MND1: variants seen among roughly 807,000 people sequenced by gnomAD.
The protein encoded by MND1 is meiotic nuclear division protein 1 homolog.
Under a neutral mutation model 35.1 loss-of-function variants are expected in MND1, and 28 were observed. The observed-to-expected ratio is 0.80, with a 90% CI of 0.59 to 1.09. MND1 has a LOEUF of 1.09. Among genes scored for constraint, MND1 ranks in the 50% least tolerant of loss-of-function variants. The pLI, the probability that MND1 is intolerant of heterozygous loss-of-function variation, is 0.00. For missense variants in MND1, 213 were observed against 239.6 expected, an observed-to-expected ratio of 0.89 and a Z score of 0.73; for synonymous variants, 69 against 70.5, an observed-to-expected ratio of 0.98 and a Z score of 0.11.
chr4:153,394,386 G>A (rs772540505), intron 5 of MND1, 50 bp downstream of exon 5: 14 of 1,459,882 alleles, frequency 9.6e-6, no homozygotes, highest in Non-Finnish European at 1.2e-5. Context: ...CTAAATATTA[G>A]AGTAAGCGAC....
At chr4:153,358,147 T>G (rs991707422) in intron 3 of MND1, among the ~76,000 whole-genome samples, 1 of 152,198 alleles carries the variant, frequency 6.6e-6, no homozygotes, top group African/African-American at 2.4e-5. Context: ...TTTTTTAAAT[T>G]AGGCATAAAG....
chr4:153,364,862 C>G (rs997864319), intron 4 of MND1, among the ~76,000 whole-genome samples: 1 of 152,116 alleles, frequency 6.6e-6, no homozygotes, highest in African/African-American at 2.4e-5. Context: ...CAGGCTCATC[C>G]CACCACAAGG....
At chr4:153,404,104 C>T (rs1452842257) in intron 6 of MND1, among the ~76,000 whole-genome samples, 3 of 150,154 alleles carry the variant, frequency 2.0e-5, no homozygotes, top group Non-Finnish European at 4.4e-5. Context: ...GTTGGACTTA[C>T]TAGACAAAGA....
chr4:153,373,388 A>G (rs900046076), intron 4 of MND1, among the ~76,000 whole-genome samples: 2 of 152,196 alleles, frequency 1.3e-5, no homozygotes, highest in Admixed American at 6.5e-5. Flanking sequence ...CTTCAGAGAA[A>G]TTCTTTGCAT....
intron 6 of MND1, 94 bp from the exon 7 acceptor site, chr4:153,408,877 T>A: frequency 2.6e-6 from 1 of 382,716 alleles, no homozygotes; most frequent in Non-Finnish European, 4.1e-6. Flanking sequence ...TATGAAAAAA[T>A]ACAAATGTAT....
chr4:153,358,994 A>G (rs946543140), intron 4 of MND1, among the ~76,000 whole-genome samples: 1 of 152,184 alleles, frequency 6.6e-6, no homozygotes, highest in African/African-American at 2.4e-5. Context: ...TGTTATTGAC[A>G]TCCTATACTA....
intron 6 of MND1, among the ~76,000 whole-genome samples, chr4:153,398,983 G>T (rs62324673): frequency 0.023 from 3,537 of 152,270 alleles, 61 homozygotes; most frequent in Middle Eastern, 0.075. Context: ...TCATTCTCTT[G>T]CAAGAGAACT....
chr4:153,389,415 C>T (rs185311025), intron 4 of MND1, among the ~76,000 whole-genome samples: 14 of 152,218 alleles, frequency 9.2e-5, no homozygotes, highest in Non-Finnish European at 1.9e-4. Flanking sequence ...GGCTGGAGTG[C>T]AGTAGTGCAA....
chr4:153,368,516 GA>G (rs34797728), intron 4 of MND1, among the ~76,000 whole-genome samples: 342 of 152,322 alleles, frequency 2.2e-3, no homozygotes, highest in African/African-American at 8.0e-3. Flanking sequence ...GATGTAAGTA[GA>G]AGACTAGCTT....
At chr4:153,406,709 T>C (rs906163019) in intron 6 of MND1, among the ~76,000 whole-genome samples, 1 of 151,876 alleles carries the variant, frequency 6.6e-6, no homozygotes, top group Admixed American at 6.6e-5. Context: ...AGATGGCCAA[T>C]AAGCACATGA....
intron 3 of MND1, among the ~76,000 whole-genome samples, chr4:153,357,624 C>T (rs1407292406): frequency 6.6e-6 from 1 of 152,106 alleles, no homozygotes; most frequent in African/African-American, 2.4e-5. Flanking sequence ...TGGACCCATG[C>T]AGTTCAAACC....
chr4:153,355,845 A>G (rs183993770), intron 3 of MND1, 134 bp downstream of exon 3: 5 of 622,312 alleles, frequency 8.0e-6, no homozygotes, highest in South Asian at 2.1e-5. Flanking sequence ...CTAGAGACAA[A>G]GAAATCATCA....
intron 4 of MND1, among the ~76,000 whole-genome samples, chr4:153,365,969 T>TTC (rs3048066): frequency 0.55 from 83,611 of 151,898 alleles, 24,954 homozygotes; most frequent in African/African-American, 0.81. Context: ...CAAAAATTTA[T>TTC]TCTCACAGCT....
At chr4:153,406,556 G>T (rs532153185) in intron 6 of MND1, among the ~76,000 whole-genome samples, 1 of 152,128 alleles carries the variant, frequency 6.6e-6, no homozygotes, top group South Asian at 2.1e-4. Flanking sequence ...ACTCAGGATG[G>T]AAGAAAATAG....
chr4:153,382,014 G>C (rs1487229350), intron 4 of MND1: 2 of 151,714 alleles, frequency 1.3e-5, no homozygotes, highest in Non-Finnish European at 2.9e-5. Context: ...ACCACACCAG[G>C]CTATATACTT....
chr4:153,350,960 A>AAG (rs1773201381), intron 2 of MND1, among the ~76,000 whole-genome samples: 1 of 151,560 alleles, frequency 6.6e-6, no homozygotes, highest in Non-Finnish European at 1.5e-5. Context: ...GTAAAAAAAA[A>AAG]AAAAAAAAAC....
chr4:153,392,619 T>G (rs2149652123), intron 4 of MND1, among the ~76,000 whole-genome samples: 1 of 152,288 alleles, frequency 6.6e-6, no homozygotes, highest in South Asian at 2.1e-4. Context: ...ATTTGTTCCC[T>G]TGTAGACCCA....
At chr4:153,395,855 C>T (rs1379851093) in intron 5 of MND1, among the ~76,000 whole-genome samples, 9 of 152,092 alleles carry the variant, frequency 5.9e-5, no homozygotes, top group Admixed American at 4.6e-4. Flanking sequence ...CACTCTGCTT[C>T]TCCTGTCTTT....
intron 7 of MND1, among the ~76,000 whole-genome samples, chr4:153,414,122 T>C (rs1005316487): frequency 6.6e-6 from 1 of 152,088 alleles, no homozygotes; most frequent in African/African-American, 2.4e-5. Context: ...GCAACTTTAA[T>C]TCCTGAGGCA....
Sources: allele counts gnomAD v4.1 joint callset (sites outside exome capture counted in the v4.1 genomes callset), GRCh38; gene constraint gnomAD v4.1.1; transcripts MANE v1.5; gene names NCBI Gene and HGNC (gene_info 2026-07-23, HGNC 2026-07-21).